IL1RAPL2: variants seen among roughly 807,000 people sequenced by gnomAD.
The protein encoded by IL1RAPL2 is interleukin 1 receptor accessory protein like 2.
A neutral mutation model predicts 44.1 loss-of-function variants in IL1RAPL2; 3 were observed. The observed-to-expected ratio is 0.07, with a 90% confidence interval of 0.03 to 0.18. The LOEUF (loss-of-function observed/expected upper bound fraction) is 0.18, where lower values mean the gene tolerates loss of function less well. Among genes scored for constraint, IL1RAPL2 ranks in the 10% least tolerant of loss-of-function variants. IL1RAPL2 has a pLI of 1.00. For missense variants in IL1RAPL2, 391 were observed against 496.4 expected (o/e 0.79, Z 2.02); for synonymous variants, 181 against 178.8 (o/e 1.01, Z -0.10).
intron 2 of IL1RAPL2, among the ~76,000 whole-genome samples, chrX:105,102,800 A>C (rs1344808766): frequency 8.9e-6 from 1 of 111,932 alleles, no homozygotes; most frequent in Non-Finnish European, 1.9e-5. Flanking sequence ...CAGTGATATG[A>C]ACCTGGTGCT....
chrX:105,314,291 A>C (rs1383985455), intron 5 of IL1RAPL2, among the ~76,000 whole-genome samples: 2 of 110,985 alleles, frequency 1.8e-5, no homozygotes, highest in Non-Finnish European at 3.8e-5. Flanking sequence ...GCTTGAAAAA[A>C]AAAAATCACT....
chrX:105,605,063 C>A (rs921437602), intron 6 of IL1RAPL2, among the ~76,000 whole-genome samples: 4 of 110,847 alleles, frequency 3.6e-5, no homozygotes, highest in Non-Finnish European at 7.6e-5. Context: ...ACTTTCAACA[C>A]TCTTATTCAG....
intron 5 of IL1RAPL2, among the ~76,000 whole-genome samples, chrX:105,325,541 T>TATATATA (rs2034929782): frequency 1.4e-4 from 11 of 76,074 alleles, no homozygotes; most frequent in African/African-American, 7.0e-4. Context: ...TCTCTTGGTT[T>TATATATA]TATATATATA....
chrX:104,880,962 C>A (rs865867072), intron 2 of IL1RAPL2, among the ~76,000 whole-genome samples: 2 of 111,490 alleles, frequency 1.8e-5, no homozygotes, highest in African/African-American at 6.5e-5. Context: ...TCAATAACGA[C>A]CTCATTTTGC....
At chrX:104,973,333 C>T (rs977274096) in intron 2 of IL1RAPL2, among the ~76,000 whole-genome samples, 2 of 111,894 alleles carry the variant, frequency 1.8e-5, no homozygotes, top group African/African-American at 6.5e-5. Flanking sequence ...TGGTCAGGCA[C>T]TCATCAGCAC....
At chrX:105,628,813 C>A (rs968376352) in intron 6 of IL1RAPL2, among the ~76,000 whole-genome samples, 1 of 111,176 alleles carries the variant, frequency 9.0e-6, no homozygotes, top group Non-Finnish European at 1.9e-5. Context: ...CGTGGTGGCA[C>A]ACTCTTGTAG....
intron 1 of IL1RAPL2, among the ~76,000 whole-genome samples, chrX:104,592,356 T>C (rs748628348): frequency 6.3e-5 from 7 of 110,493 alleles, no homozygotes; most frequent in Non-Finnish European, 1.3e-4. Context: ...ACATTGTGCT[T>C]ATCAGTTGCC....
chrX:104,655,435 G>A lies in IL1RAPL2; in HGVS notation c.-19-3460G>A, dbSNP rs909284424. Among the ~76,000 whole-genome samples, 5 of 111,584 alleles carry A rather than the reference G, an allele frequency of 4.5e-5. No homozygotes were observed. In the Admixed American group the frequency reaches 4.8e-4, roughly 11 times the overall value. On this transcript the variant is annotated intron_variant, in intron 1 of 10. Transcript: ENST00000372582. ...TCTGCATCTATTGAGATAAACATGT[G>A]GTTTTTGTCATTGGTTCTGTTTATG...
intron 4 of IL1RAPL2, among the ~76,000 whole-genome samples, chrX:105,262,261 C>T (rs2034365904): frequency 9.0e-6 from 1 of 111,330 alleles, no homozygotes; most frequent in African/African-American, 3.3e-5. Flanking sequence ...ACTTCTAAGC[C>T]CTTTACATGT....
At chrX:105,626,718 G>A (rs578143867) in intron 6 of IL1RAPL2, among the ~76,000 whole-genome samples, 8 of 111,487 alleles carry the variant, frequency 7.2e-5, no homozygotes, top group South Asian at 3.8e-4. Context: ...AGTGTACATC[G>A]TAAAAAGGTG....
intron 2 of IL1RAPL2, among the ~76,000 whole-genome samples, chrX:104,827,623 G>A (rs1338576901): frequency 9.0e-6 from 1 of 110,740 alleles, no homozygotes; most frequent in African/African-American, 3.3e-5. Flanking sequence ...TCTTCTCGAG[G>A]AGTATCTTTG....
At chrX:104,873,493 G>T (rs1184397845) in intron 2 of IL1RAPL2, among the ~76,000 whole-genome samples, 3 of 111,946 alleles carry the variant, frequency 2.7e-5, no homozygotes, top group Non-Finnish European at 5.6e-5. Flanking sequence ...CCAATAGAAG[G>T]TTGATTTCTC....
intron 2 of IL1RAPL2, among the ~76,000 whole-genome samples, chrX:104,846,199 G>GT (rs780253253): frequency 1.2e-3 from 133 of 109,611 alleles, no homozygotes; most frequent in Non-Finnish European, 1.9e-3. Flanking sequence ...TTGTAGGATA[G>GT]TTTTTTTTTA....
At chrX:104,905,484 G>C in intron 2 of IL1RAPL2, among the ~76,000 whole-genome samples, 1 of 111,672 alleles carries the variant, frequency 9.0e-6, no homozygotes, top group Non-Finnish European at 1.9e-5. Flanking sequence ...TTTTGTATAA[G>C]GTGTAAAGAA....
intron 4 of IL1RAPL2, among the ~76,000 whole-genome samples, chrX:105,265,479 T>C (rs768903283): frequency 6.3e-5 from 7 of 111,740 alleles, no homozygotes; most frequent in African/African-American, 2.3e-4. Context: ...AAATCTCAGA[T>C]AGGTGATAAA....
chrX:104,943,440 T>A lies in IL1RAPL2; in HGVS notation c.83-252035T>A, dbSNP rs745532880. Among the ~76,000 whole-genome samples, 7 of 112,036 alleles carry A rather than the reference T, an allele frequency of 6.2e-5. No individual in the cohort carries two copies. In the East Asian group the frequency reaches 2.0e-3, roughly 32 times the overall value. On this transcript the variant is annotated intron_variant, in intron 2 of 10. Transcript: ENST00000372582. Reference sequence around the variant, plus strand: ...ACTTATCTTGCTTCCAAATTCTGATTTATCCCATCTTTTCTTCTCAGTTAA... The same window carrying A: ...ACTTATCTTGCTTCCAAATTCTGATATATCCCATCTTTTCTTCTCAGTTAA...
At chrX:105,159,985 C>CCG (rs996336954) in intron 2 of IL1RAPL2, among the ~76,000 whole-genome samples, 6 of 91,204 alleles carry the variant, frequency 6.6e-5, no homozygotes, top group African/African-American at 2.8e-4. Context: ...TTAAAGAACC[C>CCG]CCCCCCCCAC....
chrX:105,572,695 CA>C (rs35457477), intron 6 of IL1RAPL2, among the ~76,000 whole-genome samples: 55,443 of 110,085 alleles, frequency 0.5, 11,384 homozygotes, highest in East Asian at 0.76. Context: ...CACAGTTATG[CA>C]CATTCATCTA....
At chrX:105,664,098 G>A (rs144839217) in intron 6 of IL1RAPL2, among the ~76,000 whole-genome samples, 3,014 of 111,793 alleles carry the variant, frequency 0.027, 71 homozygotes, top group Admixed American at 0.092. Flanking sequence ...TGCCAGCAAA[G>A]GATGGTTTGG....
Sources: gnomAD v4.1 joint callset for allele counts (sites outside exome capture counted in the v4.1 genomes callset) on GRCh38, gnomAD v4.1.1 for gene constraint, MANE v1.5 for transcripts, NCBI Gene and HGNC (gene_info 2026-07-23, HGNC 2026-07-21) for gene names.